CSMD1: variants seen among roughly 807,000 people sequenced by gnomAD.
CSMD1 encodes the protein CUB and sushi domain-containing protein 1.
In CSMD1, 213 loss-of-function variants were observed where a neutral mutation model predicts 417.5. That is an observed-to-expected ratio of 0.51 (90% CI 0.46 to 0.57). CSMD1 has a LOEUF of 0.57. Ranked by LOEUF, CSMD1 falls within the 20% of genes least tolerant of loss-of-function variation. The pLI is 0.00. For missense variants in CSMD1, 6,923 were observed against 4,529.7 expected (o/e 1.53, Z -15.17); for synonymous variants, 2,862 against 1,736.8 (o/e 1.65, Z -16.11).
At chr8:3,637,727 T>G (rs1438831184) in intron 7 of CSMD1, among the ~76,000 whole-genome samples, 1 of 152,172 alleles carries the variant, frequency 6.6e-6, no homozygotes, top group Non-Finnish European at 1.5e-5. Flanking sequence ...GGGATATGGT[T>G]TGGCTGTGTC....
At chr8:4,337,848 C>T (rs891118854) in intron 3 of CSMD1, among the ~76,000 whole-genome samples, 2 of 152,066 alleles carry the variant, frequency 1.3e-5, no homozygotes, top group South Asian at 2.1e-4. Flanking sequence ...CTTGTTCCTT[C>T]GTAAAGACTT....
intron 49 of CSMD1, among the ~76,000 whole-genome samples, chr8:3,083,658 T>TTTTTA (rs1814307902): frequency 7.8e-5 from 5 of 63,832 alleles, no homozygotes; most frequent in Non-Finnish European, 1.2e-4. Context: ...ATTTTTTTTT[T>TTTTTA]TTTTTTTTTT....
chr8:4,656,955 G>T (rs896840046), intron 1 of CSMD1, among the ~76,000 whole-genome samples: 2 of 151,940 alleles, frequency 1.3e-5, no homozygotes, highest in African/African-American at 4.8e-5. Context: ...TGCATCACCC[G>T]ATTCAGAACT....
chr8:3,527,057 G>C (rs73503677), intron 10 of CSMD1, among the ~76,000 whole-genome samples: 3,839 of 152,080 alleles, frequency 0.025, 160 homozygotes, highest in African/African-American at 0.086. Flanking sequence ...TGCATGCCGG[G>C]TCAGTGCCAC....
intron 8 of CSMD1, among the ~76,000 whole-genome samples, chr8:3,615,808 T>C (rs372946114): frequency 6.6e-6 from 1 of 152,180 alleles, no homozygotes; most frequent in Non-Finnish European, 1.5e-5. Context: ...AACACATATC[T>C]TGTTTCTCTT....
At chr8:4,513,492 G>A (rs138062605) in intron 2 of CSMD1, among the ~76,000 whole-genome samples, 1,850 of 152,112 alleles carry the variant, frequency 0.012, 20 homozygotes, top group Non-Finnish European at 0.017. Flanking sequence ...ATGAAATGTC[G>A]GACTGTAACA....
chr8:4,213,338 G>A (rs1700070), intron 3 of CSMD1, among the ~76,000 whole-genome samples: 1 of 151,954 alleles, frequency 6.6e-6, no homozygotes, highest in Non-Finnish European at 1.5e-5. Context: ...AATTCAGAGA[G>A]TTTCTCAAGG....
intron 26 of CSMD1, among the ~76,000 whole-genome samples, chr8:3,251,870 G>A (rs1800292444): frequency 6.6e-6 from 1 of 151,872 alleles, no homozygotes; most frequent in Admixed American, 6.6e-5. Flanking sequence ...TTCTTTGTCT[G>A]TTGTTGGTGT....
At chr8:4,834,848 T>G (rs1269408108) in intron 1 of CSMD1, among the ~76,000 whole-genome samples, 1 of 146,218 alleles carries the variant, frequency 6.8e-6, no homozygotes, top group Non-Finnish European at 1.5e-5. Context: ...TCCCAGCTAC[T>G]TGGGAGGCTG....
rs539650652 is a variant in CSMD1, at chr8:4,956,603, T to G, written c.85+37729A>C. Among the ~76,000 whole-genome samples the G allele has an allele frequency of 3.4e-3, 487 of 145,038 alleles. 2 individuals are homozygous for G. The highest frequency in any genetic ancestry group is 5.1e-3 in the Admixed American group (75 of 14,834). On this transcript the variant is annotated intron_variant, in intron 1 of 69. Coordinates refer to ENST00000635120, the MANE Select transcript of CSMD1 (RefSeq NM_033225.6). ...ATGTGTATATCATCATAACAGATAT[T>G]TTTATTTTATAAATATATGTAAATG... is the stretch of plus-strand genomic sequence containing the variant.
chr8:4,698,023 G>T (rs1807249410), intron 1 of CSMD1, among the ~76,000 whole-genome samples: 1 of 151,882 alleles, frequency 6.6e-6, no homozygotes, highest in Non-Finnish European at 1.5e-5. Flanking sequence ...TGTCCATAGA[G>T]AAATAAGATT....
At chr8:3,055,405 G>C (rs577020304) in intron 49 of CSMD1, among the ~76,000 whole-genome samples, 1 of 152,074 alleles carries the variant, frequency 6.6e-6, no homozygotes, top group Non-Finnish European at 1.5e-5. Context: ...TTAAAATAAC[G>C]GTTGGCAATG....
intron 1 of CSMD1, among the ~76,000 whole-genome samples, chr8:4,758,293 T>C (rs1811802071): frequency 6.6e-6 from 1 of 152,224 alleles, no homozygotes; most frequent in Non-Finnish European, 1.5e-5. Context: ...CAACGTTGCC[T>C]TTTGAATGTT....
At chr8:3,977,587 G>A (rs1301858808) in intron 5 of CSMD1, among the ~76,000 whole-genome samples, 2 of 152,170 alleles carry the variant, frequency 1.3e-5, no homozygotes, top group African/African-American at 4.8e-5. Context: ...AAAGCCCCAT[G>A]TTAAATTTTA....
intron 1 of CSMD1, among the ~76,000 whole-genome samples, chr8:4,793,281 G>A (rs1157650558): frequency 1.3e-5 from 2 of 151,980 alleles, no homozygotes; most frequent in Non-Finnish European, 2.9e-5. Context: ...GTTTTAGGCT[G>A]GAAAAATAGA....
chr8:4,530,867 A>G (rs1796780810), intron 2 of CSMD1, among the ~76,000 whole-genome samples: 1 of 151,952 alleles, frequency 6.6e-6, no homozygotes, highest in Admixed American at 6.6e-5. Flanking sequence ...TTCACAAAGA[A>G]GTAAAGTCAG....
At chr8:4,079,109 G>A (rs531779332) in intron 3 of CSMD1, among the ~76,000 whole-genome samples, 2 of 151,812 alleles carry the variant, frequency 1.3e-5, no homozygotes, top group African/African-American at 2.4e-5. Context: ...ATAGGGTGGT[G>A]TTTGAGACAA....
At chr8:3,307,588 A>C in intron 25 of CSMD1, 107 bp downstream of exon 25, 1 of 1,267,568 alleles carries the variant, frequency 7.9e-7, no homozygotes. Context: ...TTTCTTCTTT[A>C]GTTCAGAAAC....
intron 3 of CSMD1, among the ~76,000 whole-genome samples, chr8:4,165,228 T>G (rs59748950): frequency 0.079 from 11,993 of 152,298 alleles, 521 homozygotes; most frequent in Middle Eastern, 0.17. Context: ...CAGGTGTCAC[T>G]GTTCTTTTCA....
Sources: gnomAD v4.1 joint callset for allele counts (sites outside exome capture counted in the v4.1 genomes callset) on GRCh38, gnomAD v4.1.1 for gene constraint, MANE v1.5 for transcripts, NCBI Gene and HGNC (gene_info 2026-07-23, HGNC 2026-07-21) for gene names.